The following PTPRN2 variants were observed in gnomAD, a reference collection of about 807,000 sequenced individuals.
PTPRN2 encodes the protein receptor-type tyrosine-protein phosphatase N2.
Under a neutral mutation model 118.8 loss-of-function variants are expected in PTPRN2, and 74 were observed. The observed-to-expected ratio is 0.62, with a 90% CI of 0.52 to 0.76. The LOEUF is 0.76. Among genes scored for constraint, PTPRN2 ranks in the 30% least tolerant of loss-of-function variants. The pLI is 0.00. For synonymous variants in PTPRN2, 641 were observed against 608.0 expected (o/e 1.05, Z -0.80); for missense variants, 1,481 against 1,394.4 (o/e 1.06, Z -0.99).
chr7:157,685,037 G>T (rs1377649352), intron 12 of PTPRN2, among the ~76,000 whole-genome samples: 1 of 151,874 alleles, frequency 6.6e-6, no homozygotes, highest in Non-Finnish European at 1.5e-5. Context: ...ACCTGGGCGG[G>T]AGGGCTTTTC....
intron 12 of PTPRN2, among the ~76,000 whole-genome samples, chr7:157,734,459 A>C (rs1800185557): frequency 6.6e-6 from 1 of 152,256 alleles, no homozygotes; most frequent in Non-Finnish European, 1.5e-5. Context: ...AGGAGCAAGC[A>C]TGCTTGAATA....
chr7:158,429,788 G>C (rs905582396), intron 2 of PTPRN2, among the ~76,000 whole-genome samples: 5 of 152,250 alleles, frequency 3.3e-5, no homozygotes, highest in Non-Finnish European at 7.3e-5. Flanking sequence ...TTCCATAACA[G>C]GCCATGGATG....
At chr7:158,512,164 G>C (rs1279042078) in intron 1 of PTPRN2, among the ~76,000 whole-genome samples, 1 of 152,198 alleles carries the variant, frequency 6.6e-6, no homozygotes, top group Non-Finnish European at 1.5e-5. Flanking sequence ...AGGAGAAAAA[G>C]TGCTGACCTA....
intron 3 of PTPRN2, among the ~76,000 whole-genome samples, chr7:158,226,428 T>A (rs1157656546): frequency 6.6e-6 from 1 of 152,058 alleles, no homozygotes; most frequent in Non-Finnish European, 1.5e-5. Flanking sequence ...GGTTTGTGGG[T>A]GGGGACGACG....
At chr7:158,524,327 G>A (rs1256825940) in intron 1 of PTPRN2, among the ~76,000 whole-genome samples, 2 of 57,544 alleles carry the variant, frequency 3.5e-5, no homozygotes, top group African/African-American at 5.9e-5. Flanking sequence ...AGTGGAGTCT[G>A]CCCTGGAGTG....
At chr7:158,182,304 T>A (rs1041836674) in intron 5 of PTPRN2, among the ~76,000 whole-genome samples, 17 of 152,200 alleles carry the variant, frequency 1.1e-4, no homozygotes, top group African/African-American at 4.1e-4. Flanking sequence ...TTTTAAAAAA[T>A]TTATTGAGAC....
chr7:157,706,720 G>C (rs1798351156), intron 12 of PTPRN2, among the ~76,000 whole-genome samples: 1 of 151,662 alleles, frequency 6.6e-6, no homozygotes, highest in Non-Finnish European at 1.5e-5. Context: ...CAGAATGCTG[G>C]GAATTGAGTG....
chr7:158,165,869 C>T (rs530576580), intron 6 of PTPRN2, among the ~76,000 whole-genome samples: 3 of 152,176 alleles, frequency 2.0e-5, no homozygotes, highest in Admixed American at 6.5e-5. Context: ...GGTAGCGACA[C>T]CGGAAGCCAC....
chr7:158,073,313 A>G (rs77951914), intron 11 of PTPRN2, among the ~76,000 whole-genome samples: 2,288 of 152,322 alleles, frequency 0.015, 33 homozygotes, highest in East Asian at 0.079. Flanking sequence ...CCGCGGCTGC[A>G]GGAGGAAGGA....
intron 9 of PTPRN2, among the ~76,000 whole-genome samples, chr7:158,131,561 A>G (rs1289535662): frequency 6.7e-6 from 1 of 150,132 alleles, no homozygotes; most frequent in Non-Finnish European, 1.5e-5. Context: ...AAACTGATAC[A>G]CAGCTACCCG....
intron 11 of PTPRN2, among the ~76,000 whole-genome samples, chr7:157,967,460 TG>T: frequency 6.6e-6 from 1 of 152,184 alleles, no homozygotes; most frequent in Non-Finnish European, 1.5e-5. Context: ...AGACTCTGTG[TG>T]GCAGGTTCTA....
chr7:157,642,091 G>C (rs575343711), intron 14 of PTPRN2, among the ~76,000 whole-genome samples: 5 of 152,184 alleles, frequency 3.3e-5, no homozygotes, highest in Admixed American at 1.3e-4. Flanking sequence ...TGCCACGCCC[G>C]ACACTCCCGT....
chr7:157,700,230 A>C (rs1225461477), intron 12 of PTPRN2, among the ~76,000 whole-genome samples: 3 of 152,330 alleles, frequency 2.0e-5, no homozygotes, highest in Non-Finnish European at 4.4e-5. Context: ...AGAGTATTAA[A>C]AAAGAAACAA....
At chr7:158,071,583 C>G (rs139900944) in intron 11 of PTPRN2, among the ~76,000 whole-genome samples, 2,346 of 9,304 alleles carry the variant, frequency 0.25, 318 homozygotes, top group Non-Finnish European at 0.29. Flanking sequence ...GGAGGTGCTC[C>G]TGGTGGAGGT....
intron 12 of PTPRN2, among the ~76,000 whole-genome samples, chr7:157,803,761 T>G (rs1805463110): frequency 6.6e-6 from 1 of 152,072 alleles, no homozygotes; most frequent in African/African-American, 2.4e-5. Context: ...GGACTCTCTG[T>G]TCCATTGATC....
chr7:157,946,896 A>G (rs888697101), intron 11 of PTPRN2, among the ~76,000 whole-genome samples: 4 of 152,164 alleles, frequency 2.6e-5, no homozygotes, highest in African/African-American at 9.7e-5. Context: ...ACCCTCTGAG[A>G]GGCATGTGGG....
intron 11 of PTPRN2, among the ~76,000 whole-genome samples, chr7:158,021,752 G>A (rs1260969912): frequency 1.3e-5 from 2 of 152,174 alleles, no homozygotes; most frequent in Non-Finnish European, 2.9e-5. Flanking sequence ...CTCCATAGTG[G>A]GGAGAGGATG....
At chr7:158,337,549 A>G (rs1175969833) in intron 2 of PTPRN2, among the ~76,000 whole-genome samples, 225 of 134,228 alleles carry the variant, frequency 1.7e-3, no homozygotes, top group African/African-American at 6.6e-3. Context: ...GACGTCATTC[A>G]CACCCACACT....
intron 1 of PTPRN2, among the ~76,000 whole-genome samples, chr7:158,512,580 C>T (rs1014225396): frequency 3.9e-5 from 6 of 152,090 alleles, no homozygotes; most frequent in Admixed American, 2.0e-4. Context: ...ACACACACAT[C>T]TTCTCGCTCC....
Sources: gnomAD v4.1 joint callset for allele counts (sites outside exome capture counted in the v4.1 genomes callset) on GRCh38, gnomAD v4.1.1 for gene constraint, MANE v1.5 for transcripts, NCBI Gene and HGNC (gene_info 2026-07-23, HGNC 2026-07-21) for gene names.